Variants in GVQW3 observed in about 807,000 individuals in gnomAD.
GVQW3 encodes the protein protein GVQW3.
In GVQW3, 7 loss-of-function variants were observed where a neutral mutation model predicts 12.5. The ratio of observed to expected loss-of-function variants is 0.56; its 90% CI spans 0.32 to 1.05. The LOEUF (loss-of-function observed/expected upper bound fraction) is 1.05. Ranked by LOEUF, GVQW3 falls within the 50% of genes least tolerant of loss-of-function variation. The pLI, the probability that GVQW3 is intolerant of heterozygous loss-of-function variation, is 0.04. For synonymous variants in GVQW3, 71 were observed against 67.2 expected, an observed-to-expected ratio of 1.06 and a Z score of -0.28; for missense variants, 188 against 190.8, an observed-to-expected ratio of 0.99 and a Z score of 0.09.
chr11:76,410,037 A>C (rs907667578), downstream of GVQW3, among the ~76,000 whole-genome samples: 2 of 152,116 alleles, frequency 1.3e-5, no homozygotes, highest in African/African-American at 2.4e-5. Context: ...CAGGAGGATC[A>C]CTTGAACCCA....
At chr11:76,402,128 A>T (rs1027265498) in intron 1 of GVQW3, among the ~76,000 whole-genome samples, 1 of 152,124 alleles carries the variant, frequency 6.6e-6, no homozygotes, top group Admixed American at 6.5e-5. Context: ...AGCCCTCAGG[A>T]TCTATATCTG....
rs1197203385 is a variant in GVQW3 at position 76,382,010 on chromosome 11, C to T, written c.182C>T (p.Ala61Val). The T allele has an allele frequency of 1.3e-6, 2 of 1,536,298 alleles. No individual in the cohort carries two copies. The highest frequency in any genetic ancestry group is 4.9e-5 in the East Asian group (2 of 40,934). Residue 61 changes from alanine to valine, a missense_variant, in exon 1 of 2, where the codon GCC becomes GTC. Transcript: ENST00000529331. The part of the protein sequence containing the change: ...KEGREDVRDD[A>V]RSGRPVTHRT... ...GGACGGGAAGATGTTCGAGATGATG[C>T]CCGAAGTGGGCGTCCAGTCACCCAC...
chr11:76,403,661 G>T lies in GVQW3; in HGVS notation c.467G>T (p.Arg156Ile). The part of the protein sequence containing the change: ...RKNSSCLRKK[R>I]RNLTMLPRLV... ...ATTTTTTATTTTTATTTTTTGTAGA[G>T]ACGGAACCTCACTATGTTGCCCAGG... The change falls in exon 2 of 2, where the codon AGA becomes ATA. Residue 156 changes from arginine to isoleucine, a missense_variant and splice_region_variant. Arg to Ile is a moderately conservative substitution (Grantham distance 97). Transcript: ENST00000529331. The T allele has an allele frequency of 2.2e-6, 1 of 448,466 alleles. No homozygotes were observed. Among genetic ancestry groups the T allele is most frequent in the East Asian group, 3.4e-5 (1 of 29,408 alleles). 27.8% of individuals were successfully genotyped at this position (448,466 alleles called of 1,614,324 possible). A position where few individuals can be genotyped will look rare whatever the true frequency, so the allele number is the denominator to read the frequency against.
chr11:76,395,427 G>A (rs1221130084), intron 1 of GVQW3, among the ~76,000 whole-genome samples: 1 of 152,164 alleles, frequency 6.6e-6, no homozygotes. Flanking sequence ...TGTTGCTCAA[G>A]TTGTTCCAGC....
chr11:76,409,515 A>G (rs949133137), downstream of GVQW3, among the ~76,000 whole-genome samples: 1 of 152,148 alleles, frequency 6.6e-6, no homozygotes, highest in African/African-American at 2.4e-5. Flanking sequence ...AAATATTCTT[A>G]TGTGTCAGGA....
intron 1 of GVQW3, among the ~76,000 whole-genome samples, chr11:76,403,008 C>T (rs1011409400): frequency 5.9e-5 from 9 of 152,046 alleles, no homozygotes; most frequent in East Asian, 5.8e-4. Context: ...AGTGCAGTGG[C>T]GCAATCTCGG....
chr11:76,408,493 C>T (rs1002778322), downstream of GVQW3: 9 of 152,214 alleles, frequency 5.9e-5, no homozygotes, highest in African/African-American at 2.2e-4. Context: ...ATCCCTGGGA[C>T]AGGAAGCAGC....
In GVQW3 at chr11:76,403,913, T is replaced by G. The variant is rs1308516210; in HGVS notation, c.*155T>G. 2.9e-6 allele frequency: 2 copies of G among 701,642 alleles called. No homozygotes were observed. The highest frequency in any genetic ancestry group is 5.2e-6 in the Non-Finnish European group (2 of 384,218). The allele number at this position is 701,642 out of a possible 1,614,324, so 43.5% of individuals were successfully genotyped here. A position where few individuals can be genotyped will look rare whatever the true frequency, so the allele number is the denominator to read the frequency against. Reference sequence around the variant, plus strand: ...CAAATTTGCCCTTCTATCTTTTTGTTCTATTCAGGTCCTCAATGAATTGGA... The same window carrying G: ...CAAATTTGCCCTTCTATCTTTTTGTGCTATTCAGGTCCTCAATGAATTGGA... On this transcript the variant is annotated 3_prime_UTR_variant, in exon 2 of 2. Transcript: ENST00000529331.
At chr11:76,391,746 G>A (rs1243392709) in intron 1 of GVQW3, among the ~76,000 whole-genome samples, 5 of 152,138 alleles carry the variant, frequency 3.3e-5, no homozygotes, top group Admixed American at 3.3e-4. Flanking sequence ...ATGAGGTAAG[G>A]AGTTCGAGAC....
chr11:76,396,377 C>T (rs1946939542), intron 1 of GVQW3, among the ~76,000 whole-genome samples: 1 of 152,058 alleles, frequency 6.6e-6, no homozygotes, highest in African/African-American at 2.4e-5. Flanking sequence ...TACAGTGGCA[C>T]AATCTCAGCT....
intron 1 of GVQW3, among the ~76,000 whole-genome samples, chr11:76,391,414 A>G (rs907331949): frequency 6.6e-6 from 1 of 152,240 alleles, no homozygotes; most frequent in Admixed American, 6.5e-5. Context: ...CCTGGGCCAA[A>G]TGCTGGAGCA....
At chr11:76,401,791 A>AG (rs1813159780) in intron 1 of GVQW3, among the ~76,000 whole-genome samples, 1 of 148,022 alleles carries the variant, frequency 6.8e-6, no homozygotes, top group African/African-American at 2.5e-5. Context: ...AAAAAAAAAA[A>AG]GAAAGAAAGA....
At position 76,381,466 on chromosome 11, in the gene GVQW3, C is replaced by A; in HGVS notation, c.-363C>A. 5.3e-6 allele frequency: 1 copy of A among 187,854 alleles called. No homozygotes were observed. The highest frequency in any genetic ancestry group is 1.1e-5 in the Non-Finnish European group (1 of 90,868). 11.6% of individuals were successfully genotyped at this position (187,854 alleles called of 1,614,324 possible). A position where few individuals can be genotyped will look rare whatever the true frequency, so the allele number is the denominator to read the frequency against. On this transcript the variant is annotated 5_prime_UTR_variant, in exon 1 of 2. Coordinates refer to ENST00000529331, the MANE Select transcript of GVQW3 (RefSeq NM_001347885.2). ...CTCTTCTTGCTTGCTTAATTTGCCA[C>A]CACTTAGGCCTTTCTTGCAGAATTC...
chr11:76,404,319 C>T lies in GVQW3; in HGVS notation c.*561C>T, dbSNP rs2134564113. 1 of 249,674 alleles carries T rather than the reference C, an allele frequency of 4.0e-6. No individual in the cohort carries two copies. The highest frequency in any genetic ancestry group is 7.2e-5 in the East Asian group (1 of 13,816). The allele number at this position is 249,674 out of a possible 1,614,324, so 15.5% of individuals were successfully genotyped here. On this transcript the variant is annotated 3_prime_UTR_variant, in exon 2 of 2. Transcript: ENST00000529331. ...TGTCTAAACTGCCAAAGCCATAGAACTTTAAGTGCGGAAATAGGTTTTGTG... is the reference window on the plus strand; with the variant it reads ...TGTCTAAACTGCCAAAGCCATAGAATTTTAAGTGCGGAAATAGGTTTTGTG...
At position 76,405,132 on chromosome 11, in the gene GVQW3, AC is replaced by A. The variant is rs1273813682; in HGVS notation, c.*1376del. The A allele has an allele frequency of 6.6e-6, 1 of 151,964 alleles. No homozygotes were observed. Among genetic ancestry groups the A allele is most frequent in the Admixed American group, 6.6e-5 (1 of 15,260 alleles). 9.4% of individuals were successfully genotyped at this position (151,964 alleles called of 1,614,324 possible). A position where few individuals can be genotyped will look rare whatever the true frequency, so the allele number is the denominator to read the frequency against. ...AAGATGGCTGTGACACCCTGCCCTCACCTCCAAGTTCAAGGCAGGCAGGGGT... is the reference window on the plus strand; with the variant it reads ...AAGATGGCTGTGACACCCTGCCCTCACTCCAAGTTCAAGGCAGGCAGGGGT... On this transcript the variant is annotated 3_prime_UTR_variant, in exon 2 of 2. Transcript: ENST00000529331.
At chr11:76,385,964 G>C (rs1304833510) in intron 1 of GVQW3, among the ~76,000 whole-genome samples, 1 of 152,176 alleles carries the variant, frequency 6.6e-6, no homozygotes, top group Non-Finnish European at 1.5e-5. Flanking sequence ...TCCCTGGCAG[G>C]AGAAACTCCA....
chr11:76,400,049 A>ACACACACACG (rs769822780), intron 1 of GVQW3, among the ~76,000 whole-genome samples: 44 of 147,750 alleles, frequency 3.0e-4, no homozygotes, highest in Admixed American at 2.4e-3. Flanking sequence ...ACACACACAC[A>ACACACACACG]CGGATCTTGT....
At chr11:76,384,603 G>A (rs1349323787) in intron 1 of GVQW3, among the ~76,000 whole-genome samples, 23 of 152,218 alleles carry the variant, frequency 1.5e-4, no homozygotes, top group Admixed American at 1.4e-3. Flanking sequence ...GATTACAGGC[G>A]TGAGCCACCA....
chr11:76,392,008 G>A, intron 1 of GVQW3, among the ~76,000 whole-genome samples: 1 of 152,190 alleles, frequency 6.6e-6, no homozygotes, highest in East Asian at 1.9e-4. Flanking sequence ...TTCCTTCTTC[G>A]AGCCTGGGCC....
Sources: allele counts gnomAD v4.1 joint callset (sites outside exome capture counted in the v4.1 genomes callset), GRCh38; gene constraint gnomAD v4.1.1; transcripts MANE v1.5; gene names NCBI Gene and HGNC (gene_info 2026-07-23, HGNC 2026-07-21).